Variants in ZFYVE28 observed in about 807,000 individuals in gnomAD.
ZFYVE28 encodes the protein zinc finger FYVE-type containing 28, also known as lateral signaling target protein 2 homolog.
In ZFYVE28, 40 loss-of-function variants were observed where a neutral mutation model predicts 82.1. The observed-to-expected ratio is 0.49, with a 90% CI of 0.38 to 0.63. The LOEUF is 0.63. Ranked by LOEUF, ZFYVE28 falls within the 30% of genes least tolerant of loss-of-function variation. The pLI is 0.00. For missense variants in ZFYVE28, 1,321 were observed against 1,242.1 expected (o/e 1.06, Z -0.96); for synonymous variants, 612 against 546.1 (o/e 1.12, Z -1.68).
intron 1 of ZFYVE28, among the ~76,000 whole-genome samples, chr4:2,399,083 A>AGGTGAGATCCAGGCACAAGCGTGG: frequency 8.5e-6 from 1 of 117,502 alleles, no homozygotes; most frequent in Non-Finnish European, 1.7e-5. Flanking sequence ...CACAAGCGTG[A>AGGTGAGATCCAGGCACAAGCGTGG]AGGTGAGATC....
chr4:2,417,953 G>A lies in ZFYVE28; in HGVS notation c.39+332C>T, dbSNP rs146563148. ...GGCTGGGGACCACGAAGTGTAGGAG[G>A]GCACCGTCCAGGACCGGGATGAGGA... is the stretch of plus-strand genomic sequence containing the variant. On this transcript the variant is annotated intron_variant, in intron 1 of 12. Coordinates refer to ENST00000290974, the MANE Select transcript of ZFYVE28 (RefSeq NM_020972.3). This position sits in a 1 kb window ranked among gnomAD's most constrained non-coding sequence, Gnocchi z 4.8. Among the ~76,000 whole-genome samples the A allele has an allele frequency of 6.2e-3, 940 of 151,896 alleles. 14 individuals carry two copies. The highest frequency in any genetic ancestry group is 0.022 in the African/African-American group (896 of 41,424).
chr4:2,405,299 A>G (rs950606740), intron 1 of ZFYVE28, among the ~76,000 whole-genome samples: 1 of 152,202 alleles, frequency 6.6e-6, no homozygotes, highest in African/African-American at 2.4e-5. Flanking sequence ...TTCTCTCCCC[A>G]CAGTGAGCTT....
At position 2,291,687 on chromosome 4, in the gene ZFYVE28, C is replaced by A. The variant is rs144917560; in HGVS notation, c.2051+12602G>T. The stretch of plus-strand genomic sequence containing the variant: ...GCACCTCAAGGGGCAGCACTACAGG[C>A]CTGGACTCTGCCCAGCTCCTTCTCC... On this transcript the variant is annotated intron_variant, in intron 8 of 12. Coordinates refer to ENST00000290974, the MANE Select transcript of ZFYVE28 (RefSeq NM_020972.3). Among the ~76,000 whole-genome samples, 11 of 152,302 alleles carry A rather than the reference C, an allele frequency of 7.2e-5. No individual in the cohort carries two copies. The East Asian group carries it at 1.7e-3, about 24-fold the overall frequency.
At chr4:2,337,026 A>G (rs959976297) in intron 5 of ZFYVE28, among the ~76,000 whole-genome samples, 3,719 of 36,808 alleles carry the variant, frequency 0.1, 24 homozygotes, top group African/African-American at 0.17. Flanking sequence ...AGGAGTGAGG[A>G]CATGAGGAGT....
rs1730276575 is a variant in ZFYVE28, at chr4:2,394,996, G to C, written c.39+23289C>G. On this transcript the variant is annotated intron_variant, in intron 1 of 12. Transcript: ENST00000290974. This position sits in a 1 kb window ranked among gnomAD's most constrained non-coding sequence, Gnocchi z 4.0. ...GGAGAAGCTTCTGTCTTCTTTCCAG[G>C]AGATGAAATGAAATGGCACAGGGTG... is the stretch of plus-strand genomic sequence containing the variant. Among the ~76,000 whole-genome samples, 1 of 152,222 alleles carries C rather than the reference G, an allele frequency of 6.6e-6. No individual in the cohort carries two copies. Among genetic ancestry groups the C allele is most frequent in the African/African-American group, 2.4e-5 (1 of 41,450 alleles).
intron 10 of ZFYVE28, among the ~76,000 whole-genome samples, chr4:2,272,030 G>A (rs1040292724): frequency 4.6e-5 from 7 of 152,240 alleles, no homozygotes; most frequent in Admixed American, 4.6e-4. Flanking sequence ...CCTGACAGGG[G>A]CATCCAGCCC....
At chr4:2,366,478 G>A (rs922105732) in intron 1 of ZFYVE28, among the ~76,000 whole-genome samples, 6 of 152,274 alleles carry the variant, frequency 3.9e-5, no homozygotes, top group East Asian at 3.9e-4. Context: ...AGCAGCACCC[G>A]TCTCCCGGCC....
chr4:2,391,735 TCTC>T (rs1348725892), intron 1 of ZFYVE28, among the ~76,000 whole-genome samples: 3 of 98,138 alleles, frequency 3.1e-5, no homozygotes, highest in Admixed American at 2.6e-4. Flanking sequence ...GTCAATTCTC[TCTC>T]TCTTTTTTTT....
rs190326526 is a variant in ZFYVE28, at chr4:2,351,811, C to T, written c.180+2122G>A. ...GTCCAGCTGGCTGTAAACTGGGGCT[C>T]CCATGGCCCCCTTCTGGGGTTGGAT... is the stretch of plus-strand genomic sequence containing the variant. On this transcript the variant is annotated intron_variant, in intron 2 of 12. Coordinates refer to ENST00000290974, the MANE Select transcript of ZFYVE28 (RefSeq NM_020972.3). 1.2e-3 allele frequency among the ~76,000 whole-genome samples: 179 copies of T among 152,340 alleles called. 4 individuals are homozygous for T. Among genetic ancestry groups the T allele is most frequent in the Admixed American group, 0.011 (166 of 15,308 alleles).
chr4:2,352,495 G>A (rs1724628059), intron 2 of ZFYVE28, among the ~76,000 whole-genome samples: 1 of 151,772 alleles, frequency 6.6e-6, no homozygotes, highest in South Asian at 2.1e-4. Context: ...GCAGGGCCCT[G>A]GAGCGGAGTG....
At chr4:2,373,105 T>A (rs1025871945) in intron 1 of ZFYVE28, among the ~76,000 whole-genome samples, 1 of 152,232 alleles carries the variant, frequency 6.6e-6, no homozygotes, top group African/African-American at 2.4e-5. Flanking sequence ...CAAAGTTGAA[T>A]GAGATGATCC....
At chr4:2,272,884 C>T (rs1005708445) in intron 10 of ZFYVE28, among the ~76,000 whole-genome samples, 2 of 152,234 alleles carry the variant, frequency 1.3e-5, no homozygotes. Flanking sequence ...TGGGCACAAG[C>T]CATGGGCCCT....
At chr4:2,383,921 G>A (rs1183324341) in intron 1 of ZFYVE28, among the ~76,000 whole-genome samples, 1 of 152,158 alleles carries the variant, frequency 6.6e-6, no homozygotes, top group African/African-American at 2.4e-5. Context: ...GAGAAAATGA[G>A]GTCGTCACAC....
chr4:2,300,082 C>T lies in ZFYVE28; in HGVS notation c.2051+4207G>A, dbSNP rs1296111024. Among the ~76,000 whole-genome samples, 2 of 152,224 alleles carry T rather than the reference C, an allele frequency of 1.3e-5. No individual in the cohort carries two copies. The highest frequency in any genetic ancestry group is 3.9e-4 in the East Asian group (2 of 5,192). On this transcript the variant is annotated intron_variant, in intron 8 of 12. Transcript: ENST00000290974. This position sits in a 1 kb window ranked among gnomAD's most constrained non-coding sequence, Gnocchi z 4.6. ...AAAGTGCTGGGAATACAAGCATAAG[C>T]CACCAGACCCAGACTTTCCTTCTTA... is the stretch of plus-strand genomic sequence containing the variant.
chr4:2,307,668 A>T (rs907759135), intron 7 of ZFYVE28, among the ~76,000 whole-genome samples: 14 of 152,126 alleles, frequency 9.2e-5, no homozygotes, highest in Admixed American at 4.6e-4. Flanking sequence ...AATTAAAAAA[A>T]TTTTTTTTAG....
intron 1 of ZFYVE28, among the ~76,000 whole-genome samples, chr4:2,361,630 C>T (rs1392540536): frequency 6.6e-6 from 1 of 152,180 alleles, no homozygotes; most frequent in Non-Finnish European, 1.5e-5. Flanking sequence ...ACCACGCCTT[C>T]CACCCAGACA....
intron 8 of ZFYVE28, among the ~76,000 whole-genome samples, chr4:2,278,536 C>A (rs1195933840): frequency 6.6e-6 from 1 of 151,998 alleles, no homozygotes; most frequent in African/African-American, 2.4e-5. Flanking sequence ...TGGCGTTAGG[C>A]TAGGCCACAG....
intron 2 of ZFYVE28, chr4:2,343,198 T>C (rs927856921): frequency 6.6e-6 from 1 of 152,212 alleles, no homozygotes; most frequent in African/African-American, 2.4e-5. Flanking sequence ...TAGGACCCAC[T>C]GATTGCTAGA....
At chr4:2,387,257 C>T (rs1729368163) in intron 1 of ZFYVE28, among the ~76,000 whole-genome samples, 3 of 152,354 alleles carry the variant, frequency 2.0e-5, no homozygotes, top group South Asian at 2.1e-4. Context: ...GCGTGGCTCT[C>T]CCCTACCCAT....
Sources: allele counts gnomAD v4.1 joint callset (sites outside exome capture counted in the v4.1 genomes callset), GRCh38; gene constraint gnomAD v4.1.1; non-coding constraint Gnocchi (gnomAD v3.1); transcripts MANE v1.5; gene names NCBI Gene and HGNC (gene_info 2026-07-23, HGNC 2026-07-21).